The following ZNF420 variants were observed in gnomAD, a reference collection of about 807,000 sequenced individuals.
ZNF420 encodes ATM and p53-associated KZNF protein.
A neutral mutation model predicts 44.7 loss-of-function variants in ZNF420; 31 were observed. That is an observed-to-expected ratio of 0.69 (90% CI 0.52 to 0.94). ZNF420 has a LOEUF of 0.94. Ranked by LOEUF, ZNF420 falls within the 40% of genes least tolerant of loss-of-function variation. ZNF420 has a pLI of 0.00. For synonymous variants in ZNF420, 245 were observed against 267.4 expected (o/e 0.92, Z 0.82); for missense variants, 681 against 827.9 (o/e 0.82, Z 2.18).
At chr19:37,106,578 C>T (rs1314281021) in intron 4 of ZNF420, among the ~76,000 whole-genome samples, 3 of 152,160 alleles carry the variant, frequency 2.0e-5, no homozygotes, top group African/African-American at 7.2e-5. Flanking sequence ...CACGGTGGCT[C>T]ACACCTGTAA....
At chr19:37,086,537 A>G (rs1216185641) in intron 2 of ZNF420, among the ~76,000 whole-genome samples, 2 of 152,272 alleles carry the variant, frequency 1.3e-5, no homozygotes, top group East Asian at 3.9e-4. Context: ...CTATATTGTT[A>G]TCGATTTTAT....
chr19:37,033,107 G>C (rs1022888031), intron 1 of ZNF420, among the ~76,000 whole-genome samples: 2 of 152,174 alleles, frequency 1.3e-5, no homozygotes, highest in African/African-American at 2.4e-5. Context: ...CTTCATTTTA[G>C]CTGTAATTTT....
At chr19:37,100,859 A>G (rs1046709543) in intron 4 of ZNF420, among the ~76,000 whole-genome samples, 2 of 152,166 alleles carry the variant, frequency 1.3e-5, no homozygotes, top group Admixed American at 1.3e-4. Flanking sequence ...GGTAGTATGG[A>G]CATTTTAACA....
At chr19:37,026,886 A>G in intron 1 of ZNF420, among the ~76,000 whole-genome samples, 1 of 152,256 alleles carries the variant, frequency 6.6e-6, no homozygotes, top group East Asian at 1.9e-4. Flanking sequence ...TCAATACCCT[A>G]AGAAGAAAGG....
intron 1 of ZNF420, among the ~76,000 whole-genome samples, chr19:37,045,068 C>A (rs1239678011): frequency 6.6e-6 from 1 of 152,184 alleles, no homozygotes; most frequent in Non-Finnish European, 1.5e-5. Context: ...ATCAATGCTA[C>A]AATAACCTTG....
chr19:37,021,813 T>G (rs968502790), intron 1 of ZNF420, among the ~76,000 whole-genome samples: 1 of 151,516 alleles, frequency 6.6e-6, no homozygotes, highest in African/African-American at 2.4e-5. Flanking sequence ...GGCGTACACC[T>G]GTAGTCCCAG....
intron 4 of ZNF420, among the ~76,000 whole-genome samples, chr19:37,119,610 A>C (rs1006926095): frequency 7.2e-4 from 110 of 152,178 alleles, no homozygotes; most frequent in Non-Finnish European, 1.4e-3. Context: ...AAGGCAAGAA[A>C]TAACTAAAAT....
At position 37,129,098 on chromosome 19, in the gene ZNF420, G is replaced by C; in HGVS notation, c.*40G>C. ...TGAGATCACTATGAAGAGGTTCTCT[G>C]GTTGTTAGCAGCAAAGAATTCTCAC... On this transcript the variant is annotated 3_prime_UTR_variant, in exon 5 of 5. Coordinates refer to ENST00000337995, the MANE Select transcript of ZNF420 (RefSeq NM_144689.5). The C allele has an allele frequency of 1.3e-6, 2 of 1,565,926 alleles. No homozygotes were observed. Among genetic ancestry groups the C allele is most frequent in the South Asian group, 2.4e-5 (2 of 83,512 alleles).
At chr19:37,121,680 G>C (rs540420423) in intron 4 of ZNF420, among the ~76,000 whole-genome samples, 61 of 152,232 alleles carry the variant, frequency 4.0e-4, no homozygotes, top group Non-Finnish European at 6.6e-4. Context: ...CCATCAGAGT[G>C]AACAGGCAAC....
intron 1 of ZNF420, among the ~76,000 whole-genome samples, chr19:37,023,893 A>G (rs963315610): frequency 2.0e-5 from 3 of 152,168 alleles, no homozygotes; most frequent in African/African-American, 4.8e-5. Context: ...CACACTGTAC[A>G]TATATACATA....
At chr19:37,031,134 C>T (rs937351948) in intron 1 of ZNF420, among the ~76,000 whole-genome samples, 1 of 152,148 alleles carries the variant, frequency 6.6e-6, no homozygotes, top group Non-Finnish European at 1.5e-5. Flanking sequence ...AGATTACAGG[C>T]GTGAGCCACC....
intron 4 of ZNF420, among the ~76,000 whole-genome samples, chr19:37,099,837 A>G (rs1297024001): frequency 6.6e-6 from 1 of 152,038 alleles, no homozygotes; most frequent in African/African-American, 2.4e-5. Context: ...GTTAGCCAGG[A>G]TGGTCTCAGT....
chr19:37,013,372 A>C (rs943513767), intron 1 of ZNF420, among the ~76,000 whole-genome samples: 1 of 151,984 alleles, frequency 6.6e-6, no homozygotes, highest in East Asian at 1.9e-4. Context: ...GATCCCCTCC[A>C]TCGTCTGGGG....
intron 4 of ZNF420, among the ~76,000 whole-genome samples, chr19:37,121,236 T>C (rs1971014194): frequency 6.8e-6 from 1 of 147,752 alleles, no homozygotes; most frequent in Admixed American, 6.8e-5. Flanking sequence ...ACTACAAGGC[T>C]ACAGTAACCA....
intron 4 of ZNF420, among the ~76,000 whole-genome samples, chr19:37,099,692 C>T (rs1721432407): frequency 1.3e-5 from 2 of 152,090 alleles, no homozygotes; most frequent in Admixed American, 6.6e-5. Context: ...GGTGCAATCT[C>T]GGCTCACTAC....
intron 4 of ZNF420, among the ~76,000 whole-genome samples, chr19:37,116,579 C>A (rs909111379): frequency 2.3e-4 from 35 of 152,136 alleles, no homozygotes; most frequent in Non-Finnish European, 4.3e-4. Flanking sequence ...CCGGGTTCAT[C>A]TCACTAGGGA....
intron 4 of ZNF420, among the ~76,000 whole-genome samples, chr19:37,122,427 C>CACAGGAAGGGGAACATCACACTCCAGGG (rs1971100137): frequency 6.9e-6 from 1 of 143,992 alleles, no homozygotes; most frequent in South Asian, 2.2e-4. Context: ...AACACAGGGA[C>CACAGGAAGGGGAACATCACACTCCAGGG]ACAGGAAGGG....
rs1971526491 is a variant in ZNF420, at chr19:37,129,099, GTTGT to G, written c.*43_*46del. 4 of 1,563,576 alleles carry G rather than the reference GTTGT, an allele frequency of 2.6e-6. No homozygotes were observed. Among genetic ancestry groups the G allele is most frequent in the Non-Finnish European group, 3.5e-6 (4 of 1,153,192 alleles). ...GAGATCACTATGAAGAGGTTCTCTG[GTTGT>G]TAGCAGCAAAGAATTCTCACAAATG... On this transcript the variant is annotated 3_prime_UTR_variant, in exon 5 of 5. Coordinates refer to ENST00000337995, the MANE Select transcript of ZNF420 (RefSeq NM_144689.5).
intron 1 of ZNF420, among the ~76,000 whole-genome samples, chr19:37,057,833 C>T (rs1406145159): frequency 6.6e-6 from 1 of 152,044 alleles, no homozygotes; most frequent in Non-Finnish European, 1.5e-5. Context: ...GGGAGCAGAC[C>T]GATGTCAAAG....
Sources: allele counts gnomAD v4.1 joint callset (sites outside exome capture counted in the v4.1 genomes callset), GRCh38; gene constraint gnomAD v4.1.1; transcripts MANE v1.5; gene names NCBI Gene and HGNC (gene_info 2026-07-23, HGNC 2026-07-21).